The following TAF15 variants were observed in gnomAD, a reference collection of about 807,000 sequenced individuals.
TAF15 encodes the protein TATA-binding protein-associated factor 2N.
A neutral mutation model predicts 102.5 loss-of-function variants in TAF15; 37 were observed. That is an observed-to-expected ratio of 0.36 (90% CI 0.28 to 0.47). The LOEUF is 0.47. Among genes scored for constraint, TAF15 ranks in the 20% least tolerant of loss-of-function variants. The pLI, the probability that TAF15 is intolerant of heterozygous loss-of-function variation, is 0.99. For missense variants in TAF15, 652 were observed against 760.7 expected (o/e 0.86, Z 1.68); for synonymous variants, 273 against 259.2 (o/e 1.05, Z -0.51).
intron 1 of TAF15, among the ~76,000 whole-genome samples, chr17:35,813,816 T>C (rs1376149659): frequency 6.6e-6 from 1 of 151,966 alleles, no homozygotes; most frequent in Non-Finnish European, 1.5e-5. Flanking sequence ...CTAGATACAT[T>C]GATGTAAAAA....
At chr17:35,845,548 A>T (rs1056172714) in intron 15 of TAF15, among the ~76,000 whole-genome samples, 5 of 152,030 alleles carry the variant, frequency 3.3e-5, no homozygotes. Flanking sequence ...GAGCCACAGC[A>T]CCTGCTGGAA....
intron 7 of TAF15, among the ~76,000 whole-genome samples, chr17:35,826,948 A>G (rs1204893228): frequency 1.3e-5 from 2 of 151,190 alleles, no homozygotes; most frequent in African/African-American, 4.9e-5. Flanking sequence ...TAGCTTATTT[A>G]TTGGGATAAA....
At chr17:35,826,813 G>A (rs975301804) in intron 7 of TAF15, among the ~76,000 whole-genome samples, 6 of 149,286 alleles carry the variant, frequency 4.0e-5, no homozygotes, top group East Asian at 2.0e-4. Flanking sequence ...TGATCTGCCC[G>A]CCTTGGCCTC....
intron 6 of TAF15, 89 bp from the exon 7 acceptor site, chr17:35,823,989 A>C: frequency 6.6e-7 from 1 of 1,517,822 alleles, no homozygotes; most frequent in African/African-American, 1.4e-5. Flanking sequence ...CTATAAGGAT[A>C]TGTGTGGCCT....
intron 5 of TAF15, among the ~76,000 whole-genome samples, chr17:35,821,216 AT>A (rs1194275724): frequency 6.6e-6 from 1 of 152,184 alleles, no homozygotes; most frequent in Non-Finnish European, 1.5e-5. Context: ...TTGAGGAAAG[AT>A]TGGTGAGGTC....
chr17:35,844,893 G>A lies in TAF15; in HGVS notation c.1594G>A (p.Gly532Arg), dbSNP rs2087603191. Reference protein sequence around the residue: ...YGGDRSRGGYGGDRGGGSGYG... With the variant: ...YGGDRSRGGYRGDRGGGSGYG... Reference sequence around the variant, plus strand: ...AGGAGACAGAAGCCGGGGGGGCTATGGAGGAGACCGTGGTGGTGGCAGTGG... The same window carrying A: ...AGGAGACAGAAGCCGGGGGGGCTATAGAGGAGACCGTGGTGGTGGCAGTGG... The change falls in exon 15 of 16, where the codon GGA becomes AGA. Residue 532 changes from glycine (G) to arginine (R), a missense_variant. Physicochemically the swap from Gly to Arg is moderately radical, Grantham distance 125 (BLOSUM62 -2). Transcript: ENST00000605844. The A allele has an allele frequency of 6.2e-7, 1 of 1,613,176 alleles. No individual in the cohort carries two copies. Among genetic ancestry groups the A allele is most frequent in the South Asian group, 1.1e-5 (1 of 91,028 alleles).
At chr17:35,812,887 G>A (rs533227868) in intron 1 of TAF15, among the ~76,000 whole-genome samples, 45 of 151,646 alleles carry the variant, frequency 3.0e-4, no homozygotes, top group Non-Finnish European at 6.3e-4. Flanking sequence ...CAGCCCTTTG[G>A]GATCCTGAAG....
At chr17:35,832,486 T>C (rs762305291) in intron 7 of TAF15, among the ~76,000 whole-genome samples, 7 of 152,220 alleles carry the variant, frequency 4.6e-5, no homozygotes, top group Non-Finnish European at 7.3e-5. Context: ...CAGAGTGTTT[T>C]ATCTCAGTGT....
intron 10 of TAF15, among the ~76,000 whole-genome samples, chr17:35,836,541 A>G (rs559054516): frequency 6.6e-6 from 1 of 152,348 alleles, no homozygotes; most frequent in African/African-American, 2.4e-5. Context: ...AGAACATTTT[A>G]TAGACTGAAA....
chr17:35,822,725 C>G lies in TAF15; in HGVS notation c.376C>G (p.Gln126Glu). Reference protein sequence around the residue: ...YDQQSGYDQHQGSYDEQSNYD... With the variant: ...YDQQSGYDQHEGSYDEQSNYD... ...CCAGCAGTCAGGCTATGATCAACATCAAGGCTCATATGATGAGCAGTCAAA... is the reference window on the plus strand; with the variant it reads ...CCAGCAGTCAGGCTATGATCAACATGAAGGCTCATATGATGAGCAGTCAAA... The change falls in exon 6 of 16, where the codon CAA (glutamine) becomes GAA (glutamate). Residue 126 changes from glutamine (Q) to glutamate (E), a missense_variant. Transcript: ENST00000605844. The G allele has an allele frequency of 6.2e-7, 1 of 1,614,156 alleles. No individual in the cohort carries two copies. The highest frequency in any genetic ancestry group is 1.7e-5 in the Admixed American group (1 of 60,014).
At chr17:35,839,798 G>A (rs1022932615) in intron 11 of TAF15, among the ~76,000 whole-genome samples, 10 of 152,090 alleles carry the variant, frequency 6.6e-5, no homozygotes, top group Non-Finnish European at 8.8e-5. Context: ...GTTTTAAGAT[G>A]TATCTTGTAA....
Position 35,844,656 on chromosome 17 carries a change from G to A in TAF15, c.1357G>A (p.Gly453Ser), listed in dbSNP as rs375026627. The A allele has an allele frequency of 2.3e-5, 36 of 1,599,754 alleles. No homozygotes were observed. Among genetic ancestry groups the A allele is most frequent in the Non-Finnish European group, 3.0e-5 (35 of 1,171,906 alleles). ...GGGYGGDRSG[G>S]GYGGDRGGGY... ...CGGCTATGGTGGAGACAGAAGTGGG[G>A]GTGGCTATGGTGGGGACAGAGGCGG... is the stretch of plus-strand genomic sequence containing the variant. The change falls in exon 15 of 16, where the codon GGT (glycine) becomes AGT (serine). Residue 453 changes from glycine to serine, a missense_variant. By Grantham distance (56) the Gly-to-Ser change is moderately conservative (BLOSUM62 0). Transcript: ENST00000605844.
At chr17:35,833,022 C>T (rs371505925) in intron 7 of TAF15, among the ~76,000 whole-genome samples, 11 of 152,006 alleles carry the variant, frequency 7.2e-5, no homozygotes, top group African/African-American at 2.2e-4. Context: ...CTGGGTGTGG[C>T]GACACGCATC....
intron 15 of TAF15, among the ~76,000 whole-genome samples, chr17:35,846,638 G>T (rs1191128045): frequency 6.6e-6 from 1 of 152,138 alleles, no homozygotes; most frequent in African/African-American, 2.4e-5. Context: ...GACAGTTTCT[G>T]ATCTTCTGAA....
At chr17:35,814,858 A>G (rs2087175641) in intron 1 of TAF15, among the ~76,000 whole-genome samples, 1 of 151,290 alleles carries the variant, frequency 6.6e-6, no homozygotes, top group Non-Finnish European at 1.5e-5. Flanking sequence ...GTCTCAAAAA[A>G]AAAAAGTGTG....
Position 35,844,643 on chromosome 17 carries a change from A to T in TAF15, c.1344A>T (p.Gly448=). The T allele has an allele frequency of 1.3e-6, 2 of 1,586,720 alleles. No individual in the cohort carries two copies. Among genetic ancestry groups the T allele is most frequent in the South Asian group, 2.2e-5 (2 of 89,776 alleles). Residue 448 remains glycine, a synonymous_variant, in exon 15 of 16, where the codon GGA becomes GGT. Coordinates refer to ENST00000605844, the MANE Select transcript of TAF15 (RefSeq NM_139215.3). ...SGDRSGGGYG[G]DRSGGGYGGD... ...ATAGAAGTGGGGGCGGCTATGGTGG[A>T]GACAGAAGTGGGGGTGGCTATGGTG...
chr17:35,836,714 A>G (rs1283708693), intron 10 of TAF15, among the ~76,000 whole-genome samples: 1 of 151,942 alleles, frequency 6.6e-6, no homozygotes, highest in Non-Finnish European at 1.5e-5. Context: ...AGCCTTAGTA[A>G]TGTTTAGATA....
At chr17:35,826,768 G>A (rs958951102) in intron 7 of TAF15, among the ~76,000 whole-genome samples, 9 of 145,762 alleles carry the variant, frequency 6.2e-5, no homozygotes, top group Non-Finnish European at 1.0e-4. Flanking sequence ...GGGTTTCACC[G>A]TGTTAGCTAG....
At chr17:35,814,999 A>G (rs1358839823) in intron 1 of TAF15, among the ~76,000 whole-genome samples, 3 of 152,198 alleles carry the variant, frequency 2.0e-5, no homozygotes. Context: ...CAGTAAGAAT[A>G]TGACCAAACA....
Sources: allele counts gnomAD v4.1 joint callset (sites outside exome capture counted in the v4.1 genomes callset), GRCh38; gene constraint gnomAD v4.1.1; transcripts MANE v1.5; gene names NCBI Gene and HGNC (gene_info 2026-07-23, HGNC 2026-07-21).